SNX27: variants seen among roughly 807,000 people sequenced by gnomAD.
SNX27 encodes sorting nexin 27, also known as sorting nexin-27.
Under a neutral mutation model 71.6 loss-of-function variants are expected in SNX27, and 22 were observed. That is an observed-to-expected ratio of 0.31 (90% CI 0.22 to 0.44). SNX27 has a LOEUF of 0.44. Ranked by LOEUF, SNX27 falls within the 20% of genes least tolerant of loss-of-function variation. The pLI, the probability that SNX27 is intolerant of heterozygous loss-of-function variation, is 1.00. For synonymous variants in SNX27, 269 were observed against 277.2 expected, an observed-to-expected ratio of 0.97 and a Z score of 0.29; for missense variants, 531 against 698.6, an observed-to-expected ratio of 0.76 and a Z score of 2.70.
chr1:151,639,072 T>G lies in SNX27; in HGVS notation c.496T>G (p.Ser166Ala). 6.2e-7 allele frequency: 1 copy of G among 1,614,166 alleles called. No individual in the cohort carries two copies. Among genetic ancestry groups the G allele is most frequent in the Non-Finnish European group, 8.5e-7 (1 of 1,180,032 alleles). The change falls in exon 2 of 12, where the codon TCG (serine) becomes GCG (alanine). Residue 166 changes from serine (S) to alanine (A), a missense_variant. Physicochemically the swap from Ser to Ala is moderately conservative, Grantham distance 99. Around this residue, in one of 5 missense-constraint regions of SNX27, gnomAD observed 184 missense variants for 289.6 expected, o/e 0.64. Coordinates refer to ENST00000458013, the MANE Select transcript of SNX27 (RefSeq NM_001330723.2). ...CACAGAAAAGCAAGCAGTGCCCATA[T>G]CGGTCCCCAGATACAAACATGTGGA... ...DYTEKQAVPI[S>A]VPRYKHVEQN...
At chr1:151,654,077 C>T (rs559807305) in intron 2 of SNX27, among the ~76,000 whole-genome samples, 2 of 151,916 alleles carry the variant, frequency 1.3e-5, no homozygotes, top group South Asian at 4.2e-4. Context: ...GTGATCCACC[C>T]GTCTTGGACT....
intron 2 of SNX27, among the ~76,000 whole-genome samples, chr1:151,655,070 G>T (rs1401214799): frequency 2.0e-5 from 3 of 151,844 alleles, no homozygotes; most frequent in Non-Finnish European, 4.4e-5. Context: ...GTGTGATTGG[G>T]TGCTAGATTT....
chr1:151,656,843 T>C (rs891001020), intron 2 of SNX27, among the ~76,000 whole-genome samples: 2 of 152,142 alleles, frequency 1.3e-5, no homozygotes, highest in Non-Finnish European at 2.9e-5. Flanking sequence ...TAGTATAATA[T>C]TAACTGAAAA....
At position 151,692,556 on chromosome 1, in the gene SNX27, A is replaced by G. The variant is rs2102743022; in HGVS notation, c.1361A>G (p.His454Arg). ...TAISITHFKL[H>R]ACTEEGQLEN... ...ATCAGCATCACGCACTTTAAACTGC[A>G]TGCCTGCACTGAAGAAGGACAGCTG... The change falls in exon 9 of 12, where the codon CAT becomes CGT. Residue 454 changes from histidine to arginine, a missense_variant. By Grantham distance (29) the His-to-Arg change is conservative (BLOSUM62 0). Around this residue, in one of 5 missense-constraint regions of SNX27, gnomAD observed 157 missense variants for 178.4 expected, o/e 0.88. Coordinates refer to ENST00000458013, the MANE Select transcript of SNX27 (RefSeq NM_001330723.2). 1 of 1,613,766 alleles carries G rather than the reference A, an allele frequency of 6.2e-7. No homozygotes were observed. The highest frequency in any genetic ancestry group is 1.1e-5 in the South Asian group (1 of 90,984).
chr1:151,692,059 G>T (rs1033585673), intron 8 of SNX27, among the ~76,000 whole-genome samples: 1 of 151,986 alleles, frequency 6.6e-6, no homozygotes, highest in Non-Finnish European at 1.5e-5. Context: ...AATTAGCTGG[G>T]TATGGTGGTG....
At chr1:151,614,129 C>T (rs1429039005) in intron 1 of SNX27, 1 of 151,692 alleles carries the variant, frequency 6.6e-6, no homozygotes, top group African/African-American at 2.4e-5. Flanking sequence ...TGTTTCCTCA[C>T]CTCTTCCACC....
At chr1:151,657,623 T>C (rs1410010705) in intron 2 of SNX27, among the ~76,000 whole-genome samples, 1 of 152,220 alleles carries the variant, frequency 6.6e-6, no homozygotes, top group Non-Finnish European at 1.5e-5. Flanking sequence ...ATTTACCACA[T>C]TGGCTTCAAA....
chr1:151,612,155 G>A lies in SNX27; in HGVS notation c.-47G>A. ...CAGGCAGGGCGAGCACGCGCCGGGA[G>A]GCCTTGGAGGCGTAGGGGGCGGGGG... On this transcript the variant is annotated 5_prime_UTR_variant, in exon 1 of 12. Coordinates refer to ENST00000458013, the MANE Select transcript of SNX27 (RefSeq NM_001330723.2). The surrounding 1 kb of genome is among the most constrained non-coding windows in gnomAD (Gnocchi z 5.2). The A allele has an allele frequency of 1.6e-6, 2 of 1,287,162 alleles. No individual in the cohort carries two copies. The highest frequency in any genetic ancestry group is 2.0e-6 in the Non-Finnish European group (2 of 1,015,698). The allele number at this position is 1,287,162 out of a possible 1,614,324, so 79.7% of individuals were successfully genotyped here.
rs1230597000 is a variant in SNX27, at chr1:151,692,482, T to C, written c.1287T>C (p.Phe429=). 1.3e-6 allele frequency: 2 copies of C among 1,567,628 alleles called. No homozygotes were observed. The highest frequency in any genetic ancestry group is 1.7e-5 in the Admixed American group (1 of 57,684). ...GTGAGGGCTACAATGAAATCATCTTTCCCCACTGTGCCTGTGACTCCAGGA... is the reference window on the plus strand; with the variant it reads ...GTGAGGGCTACAATGAAATCATCTTCCCCCACTGTGCCTGTGACTCCAGGA... ...RTCEGYNEII[F]PHCACDSRRK... is the part of the protein sequence containing the mutation. The change falls in exon 9 of 12, where the codon TTT becomes TTC. Residue 429 remains phenylalanine, a synonymous_variant. Transcript: ENST00000458013.
intron 7 of SNX27, chr1:151,669,281 A>G (rs1243093111): frequency 6.6e-6 from 1 of 152,158 alleles, no homozygotes; most frequent in African/African-American, 2.4e-5. Context: ...TTGTAAGGTC[A>G]ATATGCAGTG....
At chr1:151,633,944 A>G (rs1668359904) in intron 1 of SNX27, among the ~76,000 whole-genome samples, 1 of 149,290 alleles carries the variant, frequency 6.7e-6, no homozygotes, top group African/African-American at 2.5e-5. Flanking sequence ...ACATTCAACT[A>G]CAGTTGTTTG....
chr1:151,692,687 A>C, intron 9 of SNX27, 103 bp downstream of exon 9: 1 of 1,518,088 alleles, frequency 6.6e-7, no homozygotes, highest in Non-Finnish European at 8.9e-7. Flanking sequence ...TGAAATCAAA[A>C]CTGTATTTTG....
intron 1 of SNX27, among the ~76,000 whole-genome samples, chr1:151,628,087 A>G (rs144767308): frequency 3.3e-5 from 5 of 150,564 alleles, no homozygotes; most frequent in African/African-American, 1.2e-4. Flanking sequence ...GCTCACTGCA[A>G]CCTACACCTC....
chr1:151,632,050 G>A (rs1668261695), intron 1 of SNX27, among the ~76,000 whole-genome samples: 1 of 152,108 alleles, frequency 6.6e-6, no homozygotes, highest in South Asian at 2.1e-4. Flanking sequence ...CACTATAATG[G>A]TATTTTTGCA....
chr1:151,690,945 C>T (rs1671414323), intron 8 of SNX27, among the ~76,000 whole-genome samples: 1 of 152,168 alleles, frequency 6.6e-6, no homozygotes, highest in South Asian at 2.1e-4. Flanking sequence ...TGGGCCTCTT[C>T]CTCACTCCTC....
chr1:151,662,247 A>G lies in SNX27; in HGVS notation c.883A>G (p.Ser295Gly), dbSNP rs754578785. 2 of 1,612,022 alleles carry G rather than the reference A, an allele frequency of 1.2e-6. No individual in the cohort carries two copies. The highest frequency in any genetic ancestry group is 3.3e-5 in the Admixed American group (2 of 60,020). Residue 295 changes from serine (S) to glycine (G), a missense_variant, in exon 5 of 12, where the codon AGT becomes GGT. By Grantham distance (56) the Ser-to-Gly change is moderately conservative (BLOSUM62 0). Around this residue, in one of 5 missense-constraint regions of SNX27, gnomAD observed 184 missense variants for 289.6 expected, o/e 0.64. Transcript: ENST00000458013. ...GGTTACAGTCAGGGTTAAAAAGAAC[A>G]GTACTACAGACCAAGTATATCAGGT... ...TTVTVRVKKN[S>G]TTDQVYQAIA...
At chr1:151,652,571 G>T (rs1466633158) in intron 2 of SNX27, among the ~76,000 whole-genome samples, 1 of 151,766 alleles carries the variant, frequency 6.6e-6, no homozygotes, top group East Asian at 1.9e-4. Context: ...ACCACGCCTG[G>T]CTAATTTTTG....
chr1:151,645,996 C>T (rs192873880), intron 2 of SNX27, among the ~76,000 whole-genome samples: 5 of 152,274 alleles, frequency 3.3e-5, no homozygotes, highest in African/African-American at 1.2e-4. Flanking sequence ...TCAGTTCTGT[C>T]AGGTTTTTCT....
chr1:151,623,936 A>G (rs1667794884), intron 1 of SNX27, among the ~76,000 whole-genome samples: 1 of 152,156 alleles, frequency 6.6e-6, no homozygotes, highest in African/African-American at 2.4e-5. Context: ...TGATAAAGAC[A>G]TTGTGCTTAC....
Sources: allele counts gnomAD v4.1 joint callset (sites outside exome capture counted in the v4.1 genomes callset), GRCh38; gene constraint gnomAD v4.1.1; regional missense constraint gnomAD v4.1.1; non-coding constraint Gnocchi (gnomAD v3.1); transcripts MANE v1.5; gene names NCBI Gene and HGNC (gene_info 2026-07-23, HGNC 2026-07-21).